The following GLT8D2 variants were observed in gnomAD, a reference collection of about 807,000 sequenced individuals.
GLT8D2 encodes glycosyltransferase 8 domain containing 2.
Under a neutral mutation model 44.5 loss-of-function variants are expected in GLT8D2, and 45 were observed. The observed-to-expected ratio is 1.01, with a 90% CI of 0.80 to 1.30. The LOEUF (loss-of-function observed/expected upper bound fraction) is 1.30. GLT8D2 is among the 50% of genes most tolerant of loss of function. GLT8D2 has a pLI of 0.00. For missense variants in GLT8D2, 400 were observed against 430.4 expected (o/e 0.93, Z 0.62); for synonymous variants, 156 against 157.2 (o/e 0.99, Z 0.06).
At chr12:104,037,453 C>T (rs924538383) in intron 1 of GLT8D2, among the ~76,000 whole-genome samples, 13 of 152,044 alleles carry the variant, frequency 8.6e-5, no homozygotes, top group East Asian at 1.9e-4. Context: ...ATCAAACAGA[C>T]GCAATAAAAA....
At chr12:104,055,662 T>G (rs1342633275) in intron 1 of GLT8D2, among the ~76,000 whole-genome samples, 2 of 152,244 alleles carry the variant, frequency 1.3e-5, no homozygotes, top group Non-Finnish European at 2.9e-5. Context: ...TCTTACTAGT[T>G]GAAGGTCAGA....
In GLT8D2 at chr12:104,019,564, C is replaced by T. The variant is rs76988524; in HGVS notation, c.19+66G>A. 2,276 of 1,273,748 alleles carry T rather than the reference C, an allele frequency of 1.8e-3. 34 individuals carry two copies. The African/African-American group carries it at 0.028, about 16-fold the overall frequency. 78.9% of individuals were successfully genotyped at this position (1,273,748 alleles called of 1,614,324 possible). A position where few individuals can be genotyped will look rare whatever the true frequency, so the allele number is the denominator to read the frequency against. ...CCAAGAAAGAAGAAAAGAGCCAAGC[C>T]CCAGCCTCAAAACCATCCTCCCAAA... is the stretch of plus-strand genomic sequence containing the variant. On this transcript the variant is annotated intron_variant, in intron 3 of 10. Coordinates refer to ENST00000360814, the MANE Select transcript of GLT8D2 (RefSeq NM_001384711.1).
chr12:104,024,207 C>T (rs939811980), intron 1 of GLT8D2, among the ~76,000 whole-genome samples: 1 of 152,108 alleles, frequency 6.6e-6, no homozygotes, highest in Non-Finnish European at 1.5e-5. Context: ...CATAGTGAGA[C>T]CCCTGTCTGT....
At chr12:103,997,179 C>T (rs1461341085) in intron 7 of GLT8D2, among the ~76,000 whole-genome samples, 2 of 152,196 alleles carry the variant, frequency 1.3e-5, no homozygotes, top group Non-Finnish European at 2.9e-5. Context: ...ATCCGTGACA[C>T]TTTATTTCCG....
Position 104,050,035 on chromosome 12 carries a change from G to C in GLT8D2, c.-304C>G, listed in dbSNP as rs1411070312. 1 of 152,310 alleles carries C rather than the reference G, an allele frequency of 6.6e-6. No individual in the cohort carries two copies. Among genetic ancestry groups the C allele is most frequent in the Admixed American group, 6.5e-5 (1 of 15,288 alleles). The allele number at this position is 152,310 out of a possible 1,614,324, so 9.4% of individuals were successfully genotyped here. The stretch of plus-strand genomic sequence containing the variant: ...TAAGATCCCATTGGAAGTCCCAAAG[G>C]GCTGGAGAGCCCCAAGGCCAATATT... On this transcript the variant is annotated 5_prime_UTR_variant, in exon 1 of 11. Transcript: ENST00000360814.
intron 1 of GLT8D2, among the ~76,000 whole-genome samples, chr12:104,023,368 T>A (rs1026182923): frequency 6.6e-6 from 1 of 152,242 alleles, no homozygotes; most frequent in Admixed American, 6.5e-5. Flanking sequence ...TTCTTTAGAC[T>A]GCATTGAAGA....
upstream of GLT8D2, among the ~76,000 whole-genome samples, chr12:104,053,883 C>CA (rs10642482): frequency 5.8e-4 from 82 of 140,294 alleles, no homozygotes; most frequent in Admixed American, 1.3e-3. Flanking sequence ...GACTCCGTCT[C>CA]AAAAAAAAAA....
chr12:104,003,114 A>G, intron 5 of GLT8D2, 21 bp downstream of exon 5: 2 of 1,598,468 alleles, frequency 1.3e-6, no homozygotes, highest in African/African-American at 1.3e-5. Flanking sequence ...AAAGTGCCAA[A>G]GTCTGTAAGA....
At chr12:104,005,724 C>A (rs932001190) in intron 4 of GLT8D2, among the ~76,000 whole-genome samples, 1 of 152,134 alleles carries the variant, frequency 6.6e-6, no homozygotes, top group African/African-American at 2.4e-5. Context: ...ATTAAAAGGT[C>A]AGGAAACAAC....
rs780222382 is a variant in GLT8D2, at chr12:103,999,418, C to T, written c.381G>A (p.Ser127=). The T allele has an allele frequency of 2.5e-6, 4 of 1,610,356 alleles. No individual in the cohort carries two copies. Among genetic ancestry groups the T allele is most frequent in the Non-Finnish European group, 3.4e-6 (4 of 1,176,638 alleles). ...TTACAGGCTGGAGCAATTCAGGCCT[C>T]GATGAGTCTGGTCTGATCTTCCCTT... ...VLKGKIRPDS[S]RPELLQPLNF... The change falls in exon 6 of 11, where the codon TCG becomes TCA. Residue 127 remains serine, a synonymous_variant. Coordinates refer to ENST00000360814, the MANE Select transcript of GLT8D2 (RefSeq NM_001384711.1).
At chr12:104,060,366 C>G (rs1196950627) in intron 1 of GLT8D2, among the ~76,000 whole-genome samples, 1 of 152,160 alleles carries the variant, frequency 6.6e-6, no homozygotes, top group Non-Finnish European at 1.5e-5. Context: ...ATTGAAGGTA[C>G]TTTACTGTGA....
At chr12:103,999,236 A>G (rs1317336607) in intron 6 of GLT8D2, 161 bp downstream of exon 6, 1 of 578,696 alleles carries the variant, frequency 1.7e-6, no homozygotes, top group Non-Finnish European at 3.1e-6. Flanking sequence ...TCCTTTCTGT[A>G]GCAGCTGGCT....
Position 104,004,756 on chromosome 12 carries a change from TC to T in GLT8D2, c.113-1451del, listed in dbSNP as rs536197101. ...AGGACACAAACAAATGGAAGAACAT[TC>T]CATGCTCATGGATAGGAAGAATCAA... On this transcript the variant is annotated intron_variant, in intron 4 of 10. Coordinates refer to ENST00000360814, the MANE Select transcript of GLT8D2 (RefSeq NM_001384711.1). Among the ~76,000 whole-genome samples, 21 of 152,210 alleles carry T rather than the reference TC, an allele frequency of 1.4e-4. No homozygotes were observed. The South Asian group carries it at 1.9e-3, about 14-fold the overall frequency.
chr12:104,035,933 C>T (rs779643919), intron 1 of GLT8D2, among the ~76,000 whole-genome samples: 1 of 152,162 alleles, frequency 6.6e-6, no homozygotes, highest in Admixed American at 6.5e-5. Flanking sequence ...GGTCAGGTTA[C>T]CCACAAAGGG....
intron 1 of GLT8D2, chr12:104,030,975 C>T: frequency 1.5e-6 from 2 of 1,370,592 alleles, no homozygotes; most frequent in East Asian, 2.4e-5. Context: ...GCGATCCGGA[C>T]CCTCTGGACA....
chr12:104,001,930 T>C (rs955192362), intron 5 of GLT8D2, among the ~76,000 whole-genome samples: 2 of 152,092 alleles, frequency 1.3e-5, no homozygotes, highest in African/African-American at 4.8e-5. Context: ...TCTCAAATTC[T>C]TGACTTCAGG....
intron 1 of GLT8D2, among the ~76,000 whole-genome samples, chr12:104,044,750 A>G (rs1262352745): frequency 1.3e-5 from 2 of 152,246 alleles, no homozygotes; most frequent in Non-Finnish European, 2.9e-5. Context: ...TTCGATAATC[A>G]TATCAAGTTC....
chr12:104,041,893 G>A (rs1310937037), intron 1 of GLT8D2, among the ~76,000 whole-genome samples: 2 of 152,192 alleles, frequency 1.3e-5, no homozygotes, highest in Non-Finnish European at 2.9e-5. Flanking sequence ...GGGGGTCAGG[G>A]AAGGCTCCTG....
At chr12:104,012,935 A>G (rs1593541339) in intron 4 of GLT8D2, 3 of 609,448 alleles carry the variant, frequency 4.9e-6, no homozygotes, top group Non-Finnish European at 8.7e-6. Context: ...TCTGCATGCC[A>G]AGGAGAGAGG....
Sources: allele counts gnomAD v4.1 joint callset (sites outside exome capture counted in the v4.1 genomes callset), GRCh38; gene constraint gnomAD v4.1.1; transcripts MANE v1.5; gene names NCBI Gene and HGNC (gene_info 2026-07-23, HGNC 2026-07-21).